GAP43: variants seen among roughly 807,000 people sequenced by gnomAD.
GAP43 encodes the protein growth associated protein 43.
Under a neutral mutation model 18.6 loss-of-function variants are expected in GAP43, and 6 were observed. That is an observed-to-expected ratio of 0.32 (90% CI 0.18 to 0.64). GAP43 has a LOEUF of 0.64. Among genes scored for constraint, GAP43 ranks in the 30% least tolerant of loss-of-function variants. The pLI is 0.78. For synonymous variants in GAP43, 115 were observed against 111.4 expected (o/e 1.03, Z -0.20); for missense variants, 292 against 295.5 (o/e 0.99, Z 0.09).
chr3:115,640,249 T>C (rs939428983), intron 1 of GAP43, among the ~76,000 whole-genome samples: 1 of 152,042 alleles, frequency 6.6e-6, no homozygotes, highest in Non-Finnish European at 1.5e-5. Flanking sequence ...TTTTTTTCCA[T>C]TGTACTTTAA....
chr3:115,700,285 C>T (rs1448706935), intron 2 of GAP43, among the ~76,000 whole-genome samples: 1 of 152,182 alleles, frequency 6.6e-6, no homozygotes, highest in East Asian at 1.9e-4. Context: ...AATATTTCCT[C>T]AGCCTGGCCA....
chr3:115,685,859 A>G (rs960007093), intron 2 of GAP43, among the ~76,000 whole-genome samples: 1 of 152,162 alleles, frequency 6.6e-6, no homozygotes, highest in Non-Finnish European at 1.5e-5. Flanking sequence ...TTTAATTATA[A>G]TAGATTCATA....
At position 115,676,010 on chromosome 3, in the gene GAP43, A is replaced by C. The variant is rs113785130; in HGVS notation, c.31-3A>C. ...TCTCTTTTCCCTTCTTTTCTCGACA[A>C]AGGTTGAAAAAAATGATGACGACCA... On this transcript the variant is annotated splice_region_variant and splice_polypyrimidine_tract_variant and intron_variant, in intron 1 of 2. Coordinates refer to ENST00000305124, the MANE Select transcript of GAP43 (RefSeq NM_002045.4). The C allele has an allele frequency of 1.3e-6, 2 of 1,593,002 alleles. No homozygotes were observed. Among genetic ancestry groups the C allele is most frequent in the Non-Finnish European group, 1.7e-6 (2 of 1,171,402 alleles).
chr3:115,623,753 TG>T (rs776548901), intron 1 of GAP43, 34 bp downstream of exon 1: 1 of 1,612,496 alleles, frequency 6.2e-7, no homozygotes, highest in African/African-American at 1.3e-5. Flanking sequence ...CTTGCTGTTG[TG>T]AAATAACCCG....
At chr3:115,697,027 T>G (rs1266302991) in intron 2 of GAP43, among the ~76,000 whole-genome samples, 1 of 151,790 alleles carries the variant, frequency 6.6e-6, no homozygotes, top group South Asian at 2.1e-4. Flanking sequence ...TGTATTTAGA[T>G]GGGGCTCCAC....
intron 2 of GAP43, among the ~76,000 whole-genome samples, chr3:115,683,410 A>G (rs1316536424): frequency 6.6e-6 from 1 of 152,216 alleles, no homozygotes; most frequent in African/African-American, 2.4e-5. Flanking sequence ...CCCAGAAGAC[A>G]GCAAGAATAT....
intron 2 of GAP43, among the ~76,000 whole-genome samples, chr3:115,706,342 A>G (rs1028222234): frequency 1.3e-5 from 2 of 152,136 alleles, no homozygotes; most frequent in African/African-American, 2.4e-5. Flanking sequence ...TTAAGCCTGG[A>G]GAATTGCCAT....
In GAP43 at chr3:115,663,818, C is replaced by T. The variant is rs1370116719; in HGVS notation, c.31-12195C>T. On this transcript the variant is annotated intron_variant, in intron 1 of 2. Coordinates refer to ENST00000305124, the MANE Select transcript of GAP43 (RefSeq NM_002045.4). ...CTCTGAATTATGCCACCCCGCACTC[C>T]ACTTTTTACCTTGCCTGGGAGGCTT... 7 of 1,551,902 alleles carry T rather than the reference C, an allele frequency of 4.5e-6. No homozygotes were observed. In the South Asian group the frequency reaches 7.1e-5, roughly 16 times the overall value.
Position 115,676,424 on chromosome 3 carries a change from A to G in GAP43, c.442A>G (p.Thr148Ala), listed in dbSNP as rs1422681135. ...AETESATKAS[T>A]DNSPSSKAED... is the part of the protein sequence containing the mutation. ...GACAGAAAGTGCCACTAAAGCTTCC[A>G]CTGATAACTCGCCGTCCTCCAAGGC... Residue 148 changes from threonine to alanine, a missense_variant, in exon 2 of 3, where the codon ACT becomes GCT. Physicochemically the swap from Thr to Ala is moderately conservative, Grantham distance 58. Transcript: ENST00000305124. 2 of 1,613,886 alleles carry G rather than the reference A, an allele frequency of 1.2e-6. No homozygotes were observed. Among genetic ancestry groups the G allele is most frequent in the South Asian group, 1.1e-5 (1 of 91,070 alleles).
intron 2 of GAP43, among the ~76,000 whole-genome samples, chr3:115,705,130 G>A (rs1709343930): frequency 1.3e-5 from 2 of 152,138 alleles, no homozygotes; most frequent in Admixed American, 1.3e-4. Context: ...ACATCATGCC[G>A]AACCACGGCA....
chr3:115,690,545 G>T (rs1215579256), intron 2 of GAP43, among the ~76,000 whole-genome samples: 1 of 152,012 alleles, frequency 6.6e-6, no homozygotes, highest in Non-Finnish European at 1.5e-5. Context: ...TCATCTATAA[G>T]ATAGAGATTA....
At chr3:115,695,611 A>T (rs563286417) in intron 2 of GAP43, among the ~76,000 whole-genome samples, 5 of 152,294 alleles carry the variant, frequency 3.3e-5, no homozygotes, top group African/African-American at 9.6e-5. Flanking sequence ...TGGGAAACAC[A>T]TTCAAAGTCA....
At chr3:115,627,578 T>C (rs1250870303) in intron 1 of GAP43, among the ~76,000 whole-genome samples, 1 of 152,088 alleles carries the variant, frequency 6.6e-6, no homozygotes, top group African/African-American at 2.4e-5. Flanking sequence ...TGGTGTTCTT[T>C]CAGGCAAGAA....
chr3:115,700,042 G>C (rs554093065), intron 2 of GAP43, among the ~76,000 whole-genome samples: 217 of 152,286 alleles, frequency 1.4e-3, no homozygotes, highest in Non-Finnish European at 2.1e-3. Context: ...GAAAAGTCAA[G>C]TTTAACTGTT....
rs760544787 is a variant in GAP43 at position 115,636,196 on chromosome 3, T to C, written c.30+12477T>C. ...TGTGGTTCCCTCAAAAAGTGTCATG[T>C]TGAACTAACTATCTTCTTTGCAAAT... On this transcript the variant is annotated intron_variant, in intron 1 of 2. Coordinates refer to ENST00000305124, the MANE Select transcript of GAP43 (RefSeq NM_002045.4). 8.3e-4 allele frequency among the ~76,000 whole-genome samples: 126 copies of C among 152,108 alleles called. 3 individuals carry two copies. Among genetic ancestry groups the C allele is most frequent in the Non-Finnish European group, 2.9e-4 (20 of 68,000 alleles).
At chr3:115,698,966 C>T (rs1026502177) in intron 2 of GAP43, among the ~76,000 whole-genome samples, 33 of 152,108 alleles carry the variant, frequency 2.2e-4, no homozygotes, top group African/African-American at 6.5e-4. Flanking sequence ...AGGCAGGACA[C>T]CTAAGGCATA....
chr3:115,629,926 T>C (rs1708241656), intron 1 of GAP43, among the ~76,000 whole-genome samples: 1 of 152,190 alleles, frequency 6.6e-6, no homozygotes, highest in Non-Finnish European at 1.5e-5. Context: ...GTTATTCACT[T>C]ATAGACATGA....
chr3:115,684,172 C>T (rs1268412624), intron 2 of GAP43, among the ~76,000 whole-genome samples: 2 of 152,080 alleles, frequency 1.3e-5, no homozygotes, highest in African/African-American at 4.8e-5. Context: ...ATATTCTATC[C>T]TGGTGGCACA....
chr3:115,688,780 C>T (rs1364372354), intron 2 of GAP43, among the ~76,000 whole-genome samples: 1 of 152,204 alleles, frequency 6.6e-6, no homozygotes, highest in East Asian at 1.9e-4. Context: ...CTTATAAATT[C>T]AAGTAGACTA....
Sources: allele counts gnomAD v4.1 joint callset (sites outside exome capture counted in the v4.1 genomes callset), GRCh38; gene constraint gnomAD v4.1.1; transcripts MANE v1.5; gene names NCBI Gene and HGNC (gene_info 2026-07-23, HGNC 2026-07-21).